IGF2BP2: variants seen among roughly 807,000 people sequenced by gnomAD.
The protein encoded by IGF2BP2 is insulin like growth factor 2 mRNA binding protein 2.
In IGF2BP2, 17 loss-of-function variants were observed where a neutral mutation model predicts 75.8. The ratio of observed to expected loss-of-function variants is 0.22; its 90% CI spans 0.15 to 0.34. The LOEUF (loss-of-function observed/expected upper bound fraction) is 0.34, where lower values mean the gene tolerates loss of function less well. Ranked by LOEUF, IGF2BP2 falls within the 10% of genes least tolerant of loss-of-function variation. The probability of loss-of-function intolerance (pLI) is 1.00; values close to 1 mark genes in which losing one functional copy is unlikely to be tolerated. For synonymous variants in IGF2BP2, 288 were observed against 295.6 expected, an observed-to-expected ratio of 0.97 and a Z score of 0.26; for missense variants, 516 against 772.4, an observed-to-expected ratio of 0.67 and a Z score of 3.93.
intron 2 of IGF2BP2, among the ~76,000 whole-genome samples, chr3:185,712,016 T>G (rs775576485): frequency 6.6e-6 from 1 of 152,160 alleles, no homozygotes; most frequent in Non-Finnish European, 1.5e-5. Context: ...GGTTTTCCCA[T>G]GAAATGTGAA....
intron 7 of IGF2BP2, among the ~76,000 whole-genome samples, chr3:185,685,241 G>A (rs981251737): frequency 7.2e-5 from 11 of 151,976 alleles, no homozygotes; most frequent in Admixed American, 2.0e-4. Context: ...CCAGCTGCTC[G>A]GGAGGCTGAG....
At chr3:185,821,132 G>C (rs1414890453) in intron 2 of IGF2BP2, 1 of 1,489,080 alleles carries the variant, frequency 6.7e-7, no homozygotes. Context: ...CCCTTAGCCT[G>C]CAGTACAAGT....
chr3:185,666,288 AAAGTT>A (rs1717614748), intron 10 of IGF2BP2, among the ~76,000 whole-genome samples: 1 of 152,220 alleles, frequency 6.6e-6, no homozygotes, highest in Non-Finnish European at 1.5e-5. Context: ...GAAACCAGTA[AAAGTT>A]TAGTTAATTC....
chr3:185,669,806 A>G (rs1254144269), intron 10 of IGF2BP2, among the ~76,000 whole-genome samples: 1 of 152,218 alleles, frequency 6.6e-6, no homozygotes, highest in Non-Finnish European at 1.5e-5. Flanking sequence ...TTAAGTATTT[A>G]AAGTATCTCC....
In IGF2BP2 at chr3:185,823,279, GCACGCACGGAACTC is replaced by G. The variant is rs1741599312; in HGVS notation, c.179-80_179-67del. The stretch of plus-strand genomic sequence containing the variant: ...TCAAGCCCGCGGGGGTCTAGGGGGG[GCACGCACGGAACTC>G]CACGCTCGGGCTCCGCCTTCGGGCG... On this transcript the variant is annotated intron_variant, in intron 1 of 15. Transcript: ENST00000382199. 13 of 1,283,948 alleles carry G rather than the reference GCACGCACGGAACTC, an allele frequency of 1.0e-5. No individual in the cohort carries two copies. In the South Asian group the frequency reaches 1.4e-4, roughly 14 times the overall value. The allele number at this position is 1,283,948 out of a possible 1,614,324, so 79.5% of individuals were successfully genotyped here.
Position 185,647,453 on chromosome 3 carries a change from C to T in IGF2BP2, c.1594-315G>A, listed in dbSNP as rs1489144780. Among the ~76,000 whole-genome samples the T allele has an allele frequency of 6.6e-6, 1 of 152,054 alleles. No individual in the cohort carries two copies. The highest frequency in any genetic ancestry group is 2.4e-5 in the African/African-American group (1 of 41,396). ...GGCCTGCACATGCTCACAGAGACCC[C>T]AGGCTTTCCCATACCCCCCCACTCC... On this transcript the variant is annotated intron_variant, in intron 14 of 15. Transcript: ENST00000382199. This position sits in a 1 kb window ranked among gnomAD's most constrained non-coding sequence, Gnocchi z 4.9.
intron 3 of IGF2BP2, 83 bp downstream of exon 3, chr3:185,698,216 G>T (rs1722832018): frequency 8.5e-7 from 1 of 1,181,340 alleles, no homozygotes; most frequent in Non-Finnish European, 1.3e-6. Context: ...GAAACACTGA[G>T]GCCCTCTAAT....
At chr3:185,690,279 A>G (rs1194228312) in intron 5 of IGF2BP2, among the ~76,000 whole-genome samples, 1 of 152,222 alleles carries the variant, frequency 6.6e-6, no homozygotes, top group Admixed American at 6.5e-5. Context: ...ATCATCATAC[A>G]TATTATTGAA....
intron 2 of IGF2BP2, among the ~76,000 whole-genome samples, chr3:185,764,744 C>A (rs973031533): frequency 2.0e-5 from 3 of 152,138 alleles, no homozygotes; most frequent in Non-Finnish European, 4.4e-5. Context: ...ACAGCTACTG[C>A]CTGTGAGTAA....
At chr3:185,742,648 T>A (rs145076625) in intron 2 of IGF2BP2, among the ~76,000 whole-genome samples, 1 of 147,932 alleles carries the variant, frequency 6.8e-6, no homozygotes, top group African/African-American at 2.5e-5. Context: ...CAGAGTGAGA[T>A]CTCATCTCAA....
chr3:185,743,276 T>A (rs1325991171), intron 2 of IGF2BP2, among the ~76,000 whole-genome samples: 2 of 152,204 alleles, frequency 1.3e-5, no homozygotes, highest in Admixed American at 6.5e-5. Flanking sequence ...TTAATTTTTT[T>A]ATTTTTGTTT....
chr3:185,814,270 T>A (rs910842495), intron 2 of IGF2BP2, among the ~76,000 whole-genome samples: 9 of 152,198 alleles, frequency 5.9e-5, no homozygotes, highest in Admixed American at 2.6e-4. Context: ...GCTTTTATCA[T>A]CTACCTCTGA....
At chr3:185,816,351 C>T (rs549879773) in intron 2 of IGF2BP2, among the ~76,000 whole-genome samples, 9 of 152,326 alleles carry the variant, frequency 5.9e-5, no homozygotes, top group African/African-American at 2.2e-4. Flanking sequence ...GGAAGACGTG[C>T]AATGCTACCT....
intron 2 of IGF2BP2, chr3:185,722,169 AG>A (rs760240011): frequency 1.1e-4 from 50 of 450,790 alleles, no homozygotes; most frequent in Middle Eastern, 3.5e-4. Context: ...CCTGGCCTCA[AG>A]CAATCTTCCC....
At chr3:185,650,329 T>C (rs1346065735) in intron 13 of IGF2BP2, among the ~76,000 whole-genome samples, 1 of 152,020 alleles carries the variant, frequency 6.6e-6, no homozygotes, top group Admixed American at 6.6e-5. Flanking sequence ...TTTTTTTTTC[T>C]TTACTTAAAA....
At chr3:185,754,888 A>G (rs1386811843) in intron 2 of IGF2BP2, among the ~76,000 whole-genome samples, 4 of 152,228 alleles carry the variant, frequency 2.6e-5, no homozygotes, top group Non-Finnish European at 4.4e-5. Context: ...ACAAACTACA[A>G]TCAGAATTGG....
intron 7 of IGF2BP2, among the ~76,000 whole-genome samples, chr3:185,676,403 C>A (rs1332627775): frequency 6.6e-6 from 1 of 152,118 alleles, no homozygotes; most frequent in East Asian, 1.9e-4. Flanking sequence ...CCAGGCCGGG[C>A]GCCGTGGTTC....
At chr3:185,745,245 C>G (rs1730099438) in intron 2 of IGF2BP2, among the ~76,000 whole-genome samples, 1 of 152,134 alleles carries the variant, frequency 6.6e-6, no homozygotes, top group South Asian at 2.1e-4. Context: ...AATGGTCGAC[C>G]AAGTTCAAGG....
chr3:185,788,300 G>A (rs546530080), intron 2 of IGF2BP2, among the ~76,000 whole-genome samples: 22 of 152,026 alleles, frequency 1.4e-4, no homozygotes, highest in Non-Finnish European at 2.8e-4. Context: ...TGGGCTGATC[G>A]CTTGAGCCTA....
Sources: gnomAD v4.1 joint callset for allele counts (sites outside exome capture counted in the v4.1 genomes callset) on GRCh38, gnomAD v4.1.1 for gene constraint, Gnocchi (gnomAD v3.1) non-coding constraint, MANE v1.5 for transcripts, NCBI Gene and HGNC (gene_info 2026-07-23, HGNC 2026-07-21) for gene names.